Variants in SAMSN1 observed in about 807,000 individuals in gnomAD.
SAMSN1 encodes SAM domain, SH3 domain and nuclear localization signals 1, also known as SAM domain-containing protein SAMSN-1.
SAMSN1 carries 31 observed loss-of-function variants against 42.0 expected under a neutral mutation model. The ratio of observed to expected loss-of-function variants is 0.74; its 90% CI spans 0.55 to 1.00. The LOEUF (loss-of-function observed/expected upper bound fraction) is 1.00. SAMSN1 is among the 50% of genes least tolerant of loss of function. SAMSN1 has a pLI of 0.00. For missense variants in SAMSN1, 464 were observed against 439.4 expected (o/e 1.06, Z -0.50); for synonymous variants, 178 against 151.9 (o/e 1.17, Z -1.26).
chr21:14,616,174 GTTGTA>G (rs377287433), intron 2 of SAMSN1, among the ~76,000 whole-genome samples: 84 of 152,106 alleles, frequency 5.5e-4, no homozygotes, highest in African/African-American at 1.9e-3. Context: ...TATGTCCCCT[GTTGTA>G]TTTTAGTAAT....
intron 7 of SAMSN1, among the ~76,000 whole-genome samples, chr21:14,489,383 T>C (rs1410970667): frequency 7.7e-6 from 1 of 130,698 alleles, no homozygotes; most frequent in Non-Finnish European, 1.5e-5. Flanking sequence ...ATTACAATTA[T>C]ATGAAAACAC....
intron 7 of SAMSN1, 126 bp downstream of exon 7, chr21:14,498,316 C>T: frequency 2.6e-6 from 2 of 760,386 alleles, no homozygotes; most frequent in South Asian, 4.0e-5. Flanking sequence ...TATGAAAATA[C>T]CTATTTTATG....
intron 3 of SAMSN1, among the ~76,000 whole-genome samples, chr21:14,512,880 T>C (rs75619795): frequency 6.6e-6 from 1 of 152,204 alleles, no homozygotes; most frequent in East Asian, 1.9e-4. Flanking sequence ...TTTATTGACA[T>C]CTATGGTTTA....
rs1987738632 is a variant in SAMSN1 at position 14,512,646 on chromosome 21, T to C, written c.280-73A>G. On this transcript the variant is annotated intron_variant, in intron 3 of 7. Transcript: ENST00000400566. The stretch of plus-strand genomic sequence containing the variant: ...GAGATGTACATTGAGTACATTGATT[T>C]AATAGACACATATTTTAGCAATAAA... 3.6e-6 allele frequency: 5 copies of C among 1,374,112 alleles called. No homozygotes were observed. The Admixed American group carries it at 8.7e-5, about 24-fold the overall frequency. The allele number at this position is 1,374,112 out of a possible 1,614,324, so 85.1% of individuals were successfully genotyped here.
chr21:14,500,944 C>T (rs573764895), intron 5 of SAMSN1, among the ~76,000 whole-genome samples: 5 of 152,202 alleles, frequency 3.3e-5, no homozygotes, highest in South Asian at 2.1e-4. Flanking sequence ...GAGGCCAAGG[C>T]GGGAGGATTG....
Position 14,560,007 on chromosome 21 carries a change from C to T in SAMSN1, c.261+22129G>A, listed in dbSNP as rs148364718. 4.1e-4 allele frequency among the ~76,000 whole-genome samples: 63 copies of T among 152,128 alleles called. 1 individual carries two copies. The highest frequency in any genetic ancestry group is 1.4e-3 in the African/African-American group (59 of 41,518). On this transcript the variant is annotated intron_variant, in intron 2 of 8. Transcript: ENST00000285670. ...TGGGACTCTGTCAGGTGTCCAAAGACGGAAAGGTATGAACTGTGCCTTCCA... is the reference window on the plus strand; with the variant it reads ...TGGGACTCTGTCAGGTGTCCAAAGATGGAAAGGTATGAACTGTGCCTTCCA...
rs779435664 is a variant in SAMSN1, at chr21:14,612,106, G to A, written c.235+770C>T. 2.3e-4 allele frequency among the ~76,000 whole-genome samples: 35 copies of A among 152,244 alleles called. No homozygotes were observed. In the Middle Eastern group the frequency reaches 0.01, roughly 44 times the overall value. On this transcript the variant is annotated intron_variant, in intron 4 of 15. Transcript: ENST00000647101. ...AAATTAGCTGGGTGTGATGGCACGC[G>A]CCTGTAGTCCCAGCTACTCTGGGGG...
At chr21:14,516,478 G>A (rs921084408) in intron 3 of SAMSN1, among the ~76,000 whole-genome samples, 10 of 152,058 alleles carry the variant, frequency 6.6e-5, no homozygotes, top group African/African-American at 1.9e-4. Context: ...TGGAACCCCC[G>A]CCTCCCGGGT....
intron 2 of SAMSN1, among the ~76,000 whole-genome samples, chr21:14,552,752 GCTCGAGTTGGAGGTTTAGCT>G (rs1980641287): frequency 6.6e-6 from 1 of 152,068 alleles, no homozygotes; most frequent in African/African-American, 2.4e-5. Flanking sequence ...CATTCCATTT[GCTCGAGTTGGAGGTTTAGCT>G]CTCCAATTTC....
intron 3 of SAMSN1, among the ~76,000 whole-genome samples, chr21:14,513,979 G>A (rs868125208): frequency 1.9e-4 from 29 of 152,216 alleles, no homozygotes; most frequent in African/African-American, 5.1e-4. Context: ...CTCTTGCTGC[G>A]GGACCCTTCT....
chr21:14,588,509 AT>A (rs1482738455), intron 7 of SAMSN1, among the ~76,000 whole-genome samples: 2 of 151,362 alleles, frequency 1.3e-5, no homozygotes, highest in East Asian at 1.9e-4. Context: ...GATGATGAGC[AT>A]TTTTTCATGT....
chr21:14,606,881 A>C (rs1444474768), intron 5 of SAMSN1, among the ~76,000 whole-genome samples: 1 of 152,242 alleles, frequency 6.6e-6, no homozygotes, highest in African/African-American at 2.4e-5. Context: ...CTATGGATTA[A>C]TACATCAGAC....
At chr21:14,555,818 A>G (rs551247000) in intron 2 of SAMSN1, among the ~76,000 whole-genome samples, 1 of 152,340 alleles carries the variant, frequency 6.6e-6, no homozygotes, top group Admixed American at 6.5e-5. Flanking sequence ...GCAGAAAGGC[A>G]ATTCTGTCCA....
At chr21:14,520,205 A>G (rs1978364408) in intron 2 of SAMSN1, among the ~76,000 whole-genome samples, 1 of 152,204 alleles carries the variant, frequency 6.6e-6, no homozygotes, top group African/African-American at 2.4e-5. Context: ...AAATGTTCAT[A>G]GTGTACAAAT....
intron 2 of SAMSN1, among the ~76,000 whole-genome samples, chr21:14,640,753 G>T (rs1002391358): frequency 6.6e-6 from 1 of 152,126 alleles, no homozygotes; most frequent in South Asian, 2.1e-4. Flanking sequence ...TGATGGGAAT[G>T]ACATAATTCA....
chr21:14,649,940 CAAAG>C (rs1306276416), intron 1 of SAMSN1, among the ~76,000 whole-genome samples: 1 of 151,816 alleles, frequency 6.6e-6, no homozygotes, highest in Non-Finnish European at 1.5e-5. Context: ...TAAGAAGAGA[CAAAG>C]AAGGTCACTA....
chr21:14,546,538 G>A (rs983456195), upstream of SAMSN1, among the ~76,000 whole-genome samples: 2 of 151,776 alleles, frequency 1.3e-5, no homozygotes, highest in Non-Finnish European at 2.9e-5. Flanking sequence ...GAGCCATAAG[G>A]ATTTCAAAAC....
chr21:14,555,109 AAAAG>A (rs1980721171), intron 2 of SAMSN1, among the ~76,000 whole-genome samples: 1 of 152,176 alleles, frequency 6.6e-6, no homozygotes, highest in Non-Finnish European at 1.5e-5. Flanking sequence ...GGCTGTGGAG[AAAAG>A]AAAGTAGTTT....
chr21:14,508,526 G>T (rs1006490105), intron 5 of SAMSN1, among the ~76,000 whole-genome samples: 1 of 152,172 alleles, frequency 6.6e-6, no homozygotes, highest in East Asian at 1.9e-4. Context: ...ACCCCTGCAA[G>T]TATGGCCACA....
Sources: gnomAD v4.1 joint callset for allele counts (sites outside exome capture counted in the v4.1 genomes callset) on GRCh38, gnomAD v4.1.1 for gene constraint, MANE v1.5 for transcripts, NCBI Gene and HGNC (gene_info 2026-07-23, HGNC 2026-07-21) for gene names.